Variants in EGF observed in about 807,000 individuals in gnomAD.
EGF encodes pro-epidermal growth factor.
EGF carries 95 observed loss-of-function variants against 143.8 expected under a neutral mutation model. The observed-to-expected ratio is 0.66, with a 90% confidence interval of 0.56 to 0.78. The LOEUF (loss-of-function observed/expected upper bound fraction) is 0.78. EGF is among the 30% of genes least tolerant of loss of function. The pLI, the probability that EGF is intolerant of heterozygous loss-of-function variation, is 0.00. For synonymous variants in EGF, 510 were observed against 510.5 expected (o/e 1.00, Z 0.01); for missense variants, 1,320 against 1,470.9 (o/e 0.90, Z 1.68).
rs947566562 is a variant in EGF, at chr4:110,012,802, T to C, written c.*1347T>C. 7.9e-5 allele frequency among the ~76,000 whole-genome samples: 12 copies of C among 152,246 alleles called. No homozygotes were observed. Among genetic ancestry groups the C allele is most frequent in the Non-Finnish European group, 1.3e-4 (9 of 68,044 alleles). On this transcript the variant is annotated 3_prime_UTR_variant, in exon 24 of 24. Coordinates refer to ENST00000265171, the MANE Select transcript of EGF (RefSeq NM_001963.6). ...TTAAATATTTTTCTTGCAGCCAAGA[T>C]ATTGTTACTACAGATAACACAACCT...
At chr4:109,992,819 C>G (rs1056850001) in intron 18 of EGF, among the ~76,000 whole-genome samples, 3 of 151,770 alleles carry the variant, frequency 2.0e-5, no homozygotes, top group Admixed American at 6.6e-5. Context: ...AAGCTGGAAG[C>G]CATCATTCTC....
At chr4:109,916,172 A>G (rs1736613266) in intron 1 of EGF, among the ~76,000 whole-genome samples, 1 of 152,230 alleles carries the variant, frequency 6.6e-6, no homozygotes, top group Admixed American at 6.5e-5. Context: ...CACTTTTAGT[A>G]GTAAACAGTG....
At chr4:109,945,847 C>A (rs1380933690) in intron 5 of EGF, among the ~76,000 whole-genome samples, 1 of 152,182 alleles carries the variant, frequency 6.6e-6, no homozygotes, top group Non-Finnish European at 1.5e-5. Context: ...GTAGGTACCT[C>A]TGCAGCCATT....
intron 16 of EGF, among the ~76,000 whole-genome samples, chr4:109,984,086 G>T (rs1347535021): frequency 1.3e-5 from 2 of 152,132 alleles, no homozygotes; most frequent in African/African-American, 4.8e-5. Context: ...TATTCACCTA[G>T]GAGGTCAGTG....
chr4:109,976,850 C>A (rs1453053177), intron 13 of EGF, among the ~76,000 whole-genome samples: 4 of 152,042 alleles, frequency 2.6e-5, no homozygotes, highest in Non-Finnish European at 4.4e-5. Context: ...CAAAAATTGG[C>A]CTTTGTATGT....
intron 10 of EGF, chr4:109,968,759 A>G: frequency 1.8e-6 from 1 of 562,178 alleles, no homozygotes; most frequent in Non-Finnish European, 3.1e-6. Flanking sequence ...TCCTTATTTT[A>G]CCGATGAGGA....
intron 21 of EGF, among the ~76,000 whole-genome samples, chr4:110,003,136 T>C (rs1752793642): frequency 6.6e-6 from 1 of 152,228 alleles, no homozygotes; most frequent in African/African-American, 2.4e-5. Context: ...GACATCCATG[T>C]GTCTTTATGG....
intron 1 of EGF, among the ~76,000 whole-genome samples, chr4:109,918,958 A>G (rs1198208619): frequency 6.6e-6 from 1 of 152,110 alleles, no homozygotes; most frequent in Non-Finnish European, 1.5e-5. Context: ...ACTGACCTGC[A>G]CCTTGGCCGC....
At chr4:110,006,195 CTT>C (rs1313362893) in intron 22 of EGF, among the ~76,000 whole-genome samples, 3 of 150,112 alleles carry the variant, frequency 2.0e-5, no homozygotes, top group African/African-American at 7.5e-5. Flanking sequence ...AAAAAAAAAA[CTT>C]TGCTGGGTGT....
At chr4:109,983,118 T>C (rs1214426875) in intron 15 of EGF, among the ~76,000 whole-genome samples, 1 of 152,178 alleles carries the variant, frequency 6.6e-6, no homozygotes, top group African/African-American at 2.4e-5. Context: ...TATGAGCTGA[T>C]CATGTCCCTG....
intron 1 of EGF, among the ~76,000 whole-genome samples, chr4:109,920,352 A>G (rs1262232458): frequency 1.3e-5 from 2 of 151,692 alleles, no homozygotes; most frequent in South Asian, 2.1e-4. Flanking sequence ...ACTATCCTCA[A>G]TAGCTGGAAA....
chr4:109,967,454 T>C (rs1232782900), intron 10 of EGF, among the ~76,000 whole-genome samples: 9 of 152,206 alleles, frequency 5.9e-5, no homozygotes, highest in Non-Finnish European at 1.2e-4. Flanking sequence ...CCTTATAGTA[T>C]AAAGTCAGGT....
chr4:109,935,907 G>T (rs1363729652), intron 1 of EGF, among the ~76,000 whole-genome samples: 1 of 152,154 alleles, frequency 6.6e-6, no homozygotes, highest in Non-Finnish European at 1.5e-5. Context: ...ACTCGGTCGT[G>T]GTGGATAAGC....
intron 14 of EGF, 51 bp downstream of exon 14, chr4:109,980,190 G>T: frequency 2.6e-6 from 4 of 1,520,988 alleles, no homozygotes; most frequent in Non-Finnish European, 3.5e-6. Context: ...ATCTGCAACT[G>T]TTTTAATTGT....
At chr4:109,978,871 G>T (rs182358811) in intron 13 of EGF, among the ~76,000 whole-genome samples, 190 of 152,316 alleles carry the variant, frequency 1.2e-3, no homozygotes, top group Non-Finnish European at 2.1e-3. Context: ...GAGACTCATT[G>T]TAACCAGAAC....
At chr4:109,966,059 T>A (rs1156758942) in intron 10 of EGF, among the ~76,000 whole-genome samples, 1 of 151,546 alleles carries the variant, frequency 6.6e-6, no homozygotes, top group Non-Finnish European at 1.5e-5. Context: ...ATATACATTT[T>A]AAATTTTTAT....
chr4:109,973,952 G>A (rs1748067912), intron 11 of EGF, among the ~76,000 whole-genome samples: 2 of 151,920 alleles, frequency 1.3e-5, no homozygotes, highest in African/African-American at 2.4e-5. Flanking sequence ...CACATCTGAG[G>A]ATTCGACCAA....
At chr4:109,996,331 T>C (rs2299001) in intron 20 of EGF, among the ~76,000 whole-genome samples, 7,901 of 152,314 alleles carry the variant, frequency 0.052, 330 homozygotes, top group East Asian at 0.17. Context: ...ATTTCTCTGA[T>C]AATGTTTTAA....
intron 23 of EGF, among the ~76,000 whole-genome samples, chr4:110,010,806 A>G (rs966023282): frequency 2.0e-5 from 3 of 152,152 alleles, no homozygotes; most frequent in Non-Finnish European, 2.9e-5. Context: ...CATACCTGTA[A>G]TTCTAGCACT....
Sources: gnomAD v4.1 joint callset for allele counts (sites outside exome capture counted in the v4.1 genomes callset) on GRCh38, gnomAD v4.1.1 for gene constraint, MANE v1.5 for transcripts, NCBI Gene and HGNC (gene_info 2026-07-23, HGNC 2026-07-21) for gene names.